The following CEP120 variants were observed in gnomAD, a reference collection of about 807,000 sequenced individuals.
CEP120 encodes centrosomal protein 120.
In CEP120, 113 loss-of-function variants were observed where a neutral mutation model predicts 126.5. The observed-to-expected ratio is 0.89, with a 90% CI of 0.77 to 1.04. CEP120 has a LOEUF of 1.04. CEP120 is among the 50% of genes least tolerant of loss of function. The pLI, the probability that CEP120 is intolerant of heterozygous loss-of-function variation, is 0.00. For synonymous variants in CEP120, 400 were observed against 394.3 expected, an observed-to-expected ratio of 1.01 and a Z score of -0.17; for missense variants, 1,230 against 1,155.7, an observed-to-expected ratio of 1.06 and a Z score of -0.93.
intron 17 of CEP120, among the ~76,000 whole-genome samples, chr5:123,369,964 A>G (rs1461669283): frequency 1.3e-5 from 2 of 151,998 alleles, no homozygotes; most frequent in African/African-American, 4.8e-5. Flanking sequence ...TAACATCTCA[A>G]AACAATTTTG....
At chr5:123,355,007 T>C (rs1008021768) in intron 18 of CEP120, among the ~76,000 whole-genome samples, 3 of 148,160 alleles carry the variant, frequency 2.0e-5, no homozygotes, top group African/African-American at 4.9e-5. Context: ...CATTGTTCAA[T>C]TCCCACCTAT....
chr5:123,351,102 G>A (rs1162531582), intron 18 of CEP120, among the ~76,000 whole-genome samples: 1 of 152,072 alleles, frequency 6.6e-6, no homozygotes, highest in Admixed American at 6.6e-5. Flanking sequence ...AAATGACAAG[G>A]TACATTTTGA....
intron 1 of CEP120, among the ~76,000 whole-genome samples, chr5:123,421,289 T>G (rs1774695178): frequency 6.6e-6 from 1 of 152,138 alleles, no homozygotes. Flanking sequence ...CCCACCATGC[T>G]CACCCCGGCA....
chr5:123,367,813 G>A (rs545168793), intron 17 of CEP120, among the ~76,000 whole-genome samples: 4 of 151,940 alleles, frequency 2.6e-5, no homozygotes, highest in South Asian at 2.1e-4. Context: ...AAAAGAATAC[G>A]TAATGAGAAA....
At chr5:123,377,198 C>A (rs1171663970) in intron 16 of CEP120, among the ~76,000 whole-genome samples, 176 bp downstream of exon 16, 2 of 151,992 alleles carry the variant, frequency 1.3e-5, no homozygotes, top group East Asian at 1.9e-4. Context: ...CAATTTCATA[C>A]AAAATAGTTA....
intron 5 of CEP120, among the ~76,000 whole-genome samples, chr5:123,398,238 G>A (rs956100747): frequency 6.6e-6 from 1 of 151,728 alleles, no homozygotes; most frequent in Non-Finnish European, 1.5e-5. Context: ...TGGCAGAGGA[G>A]GGAAAAAAAA....
chr5:123,379,557 G>A (rs919034544), intron 14 of CEP120, among the ~76,000 whole-genome samples: 1 of 151,940 alleles, frequency 6.6e-6, no homozygotes, highest in Non-Finnish European at 1.5e-5. Flanking sequence ...CATTTTAGAT[G>A]CATAGGATAA....
At chr5:123,354,472 G>A (rs1189073921) in intron 18 of CEP120, among the ~76,000 whole-genome samples, 1 of 152,052 alleles carries the variant, frequency 6.6e-6, no homozygotes, top group Non-Finnish European at 1.5e-5. Context: ...TGCACCATCA[G>A]TTCTCAGGAG....
chr5:123,394,818 A>G (rs767317448), intron 5 of CEP120, among the ~76,000 whole-genome samples: 1 of 152,240 alleles, frequency 6.6e-6, no homozygotes, highest in Non-Finnish European at 1.5e-5. Flanking sequence ...AATTGTTACA[A>G]TCACAAATTC....
intron 3 of CEP120, among the ~76,000 whole-genome samples, chr5:123,414,159 C>T (rs908321745): frequency 1.3e-5 from 2 of 152,132 alleles, no homozygotes; most frequent in Non-Finnish European, 2.9e-5. Flanking sequence ...TCAGATACCC[C>T]CCTAAGAGGA....
chr5:123,356,607 C>T (rs1308930283), intron 18 of CEP120, among the ~76,000 whole-genome samples: 2 of 125,412 alleles, frequency 1.6e-5, no homozygotes, highest in Admixed American at 1.6e-4. Flanking sequence ...TCCTTTTAAT[C>T]AAATAATTTG....
Position 123,365,215 on chromosome 5 carries a change from T to A in CEP120, c.2482-621A>T, listed in dbSNP as rs1317684665. 8.7e-5 allele frequency among the ~76,000 whole-genome samples: 10 copies of A among 115,484 alleles called. No homozygotes were observed. In the East Asian group the frequency reaches 2.3e-3, roughly 26 times the overall value. The allele number at this position is 115,484 out of a possible 152,430, so 75.8% of individuals were successfully genotyped here. On this transcript the variant is annotated intron_variant, in intron 17 of 19. Coordinates refer to ENST00000306467, the MANE Select transcript of CEP120 (RefSeq NM_001375405.1). ...TAATAACACACATTCTATTTTCTATTTTTCCTCAAATATATAAAGAAAACA... is the reference window on the plus strand; with the variant it reads ...TAATAACACACATTCTATTTTCTATATTTCCTCAAATATATAAAGAAAACA...
intron 5 of CEP120, among the ~76,000 whole-genome samples, chr5:123,397,366 TAAC>T (rs1229536868): frequency 6.6e-6 from 1 of 152,090 alleles, no homozygotes; most frequent in Non-Finnish European, 1.5e-5. Context: ...GCAAATATGG[TAAC>T]AACACAGTAA....
In CEP120 at chr5:123,388,557, A is replaced by C; in HGVS notation, c.1305T>G (p.Asn435Lys). ...TCTGTCCTGAAGCTACTTCTGAAGC[A>C]TTGGATGTAGTCACTAGCTGGGCCA... ...ASLAQLVTTS[N>K]ASEVASGQKI... The change falls in exon 9 of 20, where the codon AAT becomes AAG. Residue 435 changes from asparagine (N) to lysine (K), a missense_variant. Transcript: ENST00000306467. 1.2e-6 allele frequency: 2 copies of C among 1,608,642 alleles called. No homozygotes were observed. The highest frequency in any genetic ancestry group is 1.7e-6 in the Non-Finnish European group (2 of 1,178,486).
chr5:123,386,786 A>G, intron 9 of CEP120, 119 bp from the exon 10 acceptor site: 1 of 742,954 alleles, frequency 1.3e-6, no homozygotes. Flanking sequence ...ACAACTTTTT[A>G]ATAGAAACAT....
At chr5:123,387,014 A>G (rs1562048522) in intron 9 of CEP120, among the ~76,000 whole-genome samples, 1 of 152,166 alleles carries the variant, frequency 6.6e-6, no homozygotes, top group Non-Finnish European at 1.5e-5. Flanking sequence ...AAAAGGATGC[A>G]TTCATGGTAA....
At chr5:123,363,402 C>G (rs1244006534) in intron 18 of CEP120, among the ~76,000 whole-genome samples, 6 of 151,504 alleles carry the variant, frequency 4.0e-5, no homozygotes, top group Admixed American at 3.3e-4. Context: ...ATGGAAAGGC[C>G]TATGTCTTGC....
At chr5:123,354,718 C>G (rs1367487760) in intron 18 of CEP120, among the ~76,000 whole-genome samples, 2 of 151,964 alleles carry the variant, frequency 1.3e-5, no homozygotes, top group Admixed American at 1.3e-4. Flanking sequence ...CCAGCTTTCT[C>G]TTACTTAGTA....
At chr5:123,418,836 G>A (rs907057096) in intron 1 of CEP120, among the ~76,000 whole-genome samples, 4 of 152,174 alleles carry the variant, frequency 2.6e-5, no homozygotes, top group South Asian at 4.2e-4. Context: ...ACCTGCCTCG[G>A]CCTCCCAAAG....
Sources: allele counts gnomAD v4.1 joint callset (sites outside exome capture counted in the v4.1 genomes callset), GRCh38; gene constraint gnomAD v4.1.1; transcripts MANE v1.5; gene names NCBI Gene and HGNC (gene_info 2026-07-23, HGNC 2026-07-21).